Variants in KIAA1217 observed in about 807,000 individuals in gnomAD.
KIAA1217 encodes KIAA1217, also known as sickle tail protein homolog.
KIAA1217 carries 88 observed loss-of-function variants against 163.9 expected under a neutral mutation model. The observed-to-expected ratio is 0.54, with a 90% CI of 0.45 to 0.64. The LOEUF (loss-of-function observed/expected upper bound fraction) is 0.64, where lower values mean the gene tolerates loss of function less well. KIAA1217 is among the 30% of genes least tolerant of loss of function. KIAA1217 has a pLI of 0.00. For missense variants in KIAA1217, 2,372 were observed against 2,475.0 expected, an observed-to-expected ratio of 0.96 and a Z score of 0.88; for synonymous variants, 903 against 923.1, an observed-to-expected ratio of 0.98 and a Z score of 0.39.
chr10:23,992,529 A>AC (rs1233973453), intron 1 of KIAA1217, among the ~76,000 whole-genome samples: 2 of 150,182 alleles, frequency 1.3e-5, no homozygotes, highest in Non-Finnish European at 3.0e-5. Flanking sequence ...GAGGTTGAAG[A>AC]CCCCCCAGGA....
intron 1 of KIAA1217, among the ~76,000 whole-genome samples, chr10:23,883,448 A>G (rs570609050): frequency 1.3e-5 from 2 of 152,108 alleles, no homozygotes; most frequent in East Asian, 1.9e-4. Context: ...AAATGTCAGT[A>G]CACGTTTTTT....
chr10:23,933,049 A>G (rs1843323099), intron 1 of KIAA1217, among the ~76,000 whole-genome samples: 1 of 152,218 alleles, frequency 6.6e-6, no homozygotes. Context: ...AAAGCTGTAG[A>G]GGCTTTGCCT....
chr10:24,545,535 T>A, intron 20 of KIAA1217: 1 of 1,319,872 alleles, frequency 7.6e-7, no homozygotes. Flanking sequence ...CCCCAGTAAT[T>A]ATCCAGACGC....
rs2133788735 is a variant in KIAA1217, at chr10:24,494,699, T to C, written c.1784+95T>C. ...TTCATTCAAATCTGTTTTCTTGTAATCATTTCAAGGCTGAAAATATTCACA... is the reference window on the plus strand; with the variant it reads ...TTCATTCAAATCTGTTTTCTTGTAACCATTTCAAGGCTGAAAATATTCACA... On this transcript the variant is annotated intron_variant, in intron 7 of 20. Transcript: ENST00000376454. 3 of 920,726 alleles carry C rather than the reference T, an allele frequency of 3.3e-6. No individual in the cohort carries two copies. In the Middle Eastern group the frequency reaches 8.3e-4, roughly 255 times the overall value. 57.0% of individuals were successfully genotyped at this position (920,726 alleles called of 1,614,324 possible). A position where few individuals can be genotyped will look rare whatever the true frequency, so the allele number is the denominator to read the frequency against.
At chr10:23,987,045 C>T (rs1228786190) in intron 1 of KIAA1217, among the ~76,000 whole-genome samples, 1 of 151,990 alleles carries the variant, frequency 6.6e-6, no homozygotes, top group Non-Finnish European at 1.5e-5. Context: ...CAGAGTGAAC[C>T]CATCATCTGT....
At chr10:23,711,443 A>G (rs968668559) in intron 1 of KIAA1217, among the ~76,000 whole-genome samples, 1 of 152,180 alleles carries the variant, frequency 6.6e-6, no homozygotes. Flanking sequence ...GAATTTGAGC[A>G]GCCTCCAGGA....
intron 2 of KIAA1217, among the ~76,000 whole-genome samples, chr10:24,226,548 G>A (rs982905460): frequency 6.6e-6 from 1 of 151,778 alleles, no homozygotes; most frequent in African/African-American, 2.4e-5. Flanking sequence ...AGGCTGAGGT[G>A]GGAGAATTGC....
At chr10:23,926,673 T>A (rs1485016548) in intron 1 of KIAA1217, among the ~76,000 whole-genome samples, 14 of 151,820 alleles carry the variant, frequency 9.2e-5, no homozygotes, top group African/African-American at 3.4e-4. Context: ...TGCAGTGAGC[T>A]GAGATCATGC....
chr10:24,197,234 T>C (rs1025943967), intron 2 of KIAA1217, among the ~76,000 whole-genome samples: 3 of 152,198 alleles, frequency 2.0e-5, no homozygotes, highest in Non-Finnish European at 4.4e-5. Context: ...TAAATGGTCA[T>C]TAGACTTCTT....
At chr10:23,718,682 G>A (rs1837701819) in intron 1 of KIAA1217, among the ~76,000 whole-genome samples, 1 of 151,324 alleles carries the variant, frequency 6.6e-6, no homozygotes, top group South Asian at 2.1e-4. Context: ...AAAAACATAA[G>A]TGATAGGATT....
chr10:24,277,014 C>T (rs1428336499), intron 2 of KIAA1217, among the ~76,000 whole-genome samples: 1 of 152,184 alleles, frequency 6.6e-6, no homozygotes, highest in Non-Finnish European at 1.5e-5. Flanking sequence ...CCACCTCGGC[C>T]TCCCAAAGCT....
chr10:23,951,715 G>T (rs541175809), intron 1 of KIAA1217, among the ~76,000 whole-genome samples: 1 of 152,252 alleles, frequency 6.6e-6, no homozygotes, highest in African/African-American at 2.4e-5. Flanking sequence ...TTAGTCTGCC[G>T]TGTGCAAGAC....
intron 1 of KIAA1217, among the ~76,000 whole-genome samples, chr10:23,763,292 A>C (rs948931723): frequency 1.4e-4 from 21 of 152,130 alleles, no homozygotes; most frequent in African/African-American, 4.6e-4. Context: ...CAAAGAAGAT[A>C]CTGTATAGAC....
chr10:24,497,406 T>C (rs2066927843), intron 8 of KIAA1217, among the ~76,000 whole-genome samples: 1 of 152,064 alleles, frequency 6.6e-6, no homozygotes, highest in Non-Finnish European at 1.5e-5. Flanking sequence ...TCAGGGAGGT[T>C]AGGTTAGTTT....
rs957988519 is a variant in KIAA1217, at chr10:24,415,120, T to A, written c.554-17875T>A. On this transcript the variant is annotated intron_variant, in intron 3 of 20. Transcript: ENST00000376454. ...TAGCCTGATCTCTCTCTTTTTTTTTTTTTTTTTTTTTGAGATAGAGTCTTT... is the reference window on the plus strand; with the variant it reads ...TAGCCTGATCTCTCTCTTTTTTTTTATTTTTTTTTTTGAGATAGAGTCTTT... 3.0e-4 allele frequency among the ~76,000 whole-genome samples: 45 copies of A among 149,764 alleles called. No homozygotes were observed. In the East Asian group the frequency reaches 5.9e-3, roughly 19 times the overall value.
chr10:24,390,415 T>C (rs1433703791), intron 3 of KIAA1217, among the ~76,000 whole-genome samples: 4 of 124,830 alleles, frequency 3.2e-5, no homozygotes, highest in African/African-American at 1.1e-4. Flanking sequence ...ATAAAACCGA[T>C]ACACACAATA....
At chr10:24,361,667 G>A (rs1405668854) in intron 2 of KIAA1217, among the ~76,000 whole-genome samples, 2 of 152,022 alleles carry the variant, frequency 1.3e-5, no homozygotes, top group Non-Finnish European at 2.9e-5. Flanking sequence ...TATTTTCTTG[G>A]GTTCTTTATT....
intron 1 of KIAA1217, among the ~76,000 whole-genome samples, chr10:23,765,337 C>G (rs1564401533): frequency 1.3e-5 from 2 of 151,678 alleles, no homozygotes; most frequent in Non-Finnish European, 2.9e-5. Flanking sequence ...TACAGCCCGG[C>G]TAACTTTTTG....
chr10:23,903,494 A>C (rs779618168), intron 1 of KIAA1217, among the ~76,000 whole-genome samples: 2 of 152,150 alleles, frequency 1.3e-5, no homozygotes, highest in Non-Finnish European at 2.9e-5. Context: ...CCTAGATTTG[A>C]TGAAGAGTGG....
Sources: gnomAD v4.1 joint callset for allele counts (sites outside exome capture counted in the v4.1 genomes callset) on GRCh38, gnomAD v4.1.1 for gene constraint, MANE v1.5 for transcripts, NCBI Gene and HGNC (gene_info 2026-07-23, HGNC 2026-07-21) for gene names.